Variants in LARGE2 observed in about 807,000 individuals in gnomAD.
LARGE2 encodes the protein LARGE xylosyl- and glucuronyltransferase 2.
In LARGE2, 63 loss-of-function variants were observed where a neutral mutation model predicts 75.3. The observed-to-expected ratio is 0.84, with a 90% CI of 0.68 to 1.03. The LOEUF (loss-of-function observed/expected upper bound fraction) is 1.03, where lower values mean the gene tolerates loss of function less well. LARGE2 is among the 50% of genes least tolerant of loss of function. LARGE2 has a pLI of 0.00. For missense variants in LARGE2, 925 were observed against 980.6 expected (o/e 0.94, Z 0.76); for synonymous variants, 428 against 420.1 (o/e 1.02, Z -0.23).
upstream of LARGE2, chr11:45,922,606 G>A (rs2086955826): frequency 2.2e-5 from 6 of 275,324 alleles, no homozygotes; most frequent in Non-Finnish European, 4.1e-5. Flanking sequence ...TTCGCGCTCA[G>A]CCCCGCTGAG....
chr11:45,926,319 G>T lies in LARGE2; in HGVS notation c.980G>T (p.Arg327Leu), dbSNP rs141577566. ...VQLSDHTLAE[R>L]CYSEASDLKV... is the part of the protein sequence containing the mutation. ...CTGTCAGATCACACACTGGCCGAGC[G>T]CTGCTACTCTGAGGCGTCTGACCTC... The change falls in exon 8 of 14, where the codon CGC (arginine) becomes CTC (leucine). Residue 327 changes from arginine to leucine, a missense_variant. Arg to Leu is a moderately radical substitution (Grantham distance 102, BLOSUM62 -2). Transcript: ENST00000401752. 1.2e-6 allele frequency: 2 copies of T among 1,614,174 alleles called. No homozygotes were observed. The highest frequency in any genetic ancestry group is 1.7e-6 in the Non-Finnish European group (2 of 1,180,030).
intron 3 of LARGE2, among the ~76,000 whole-genome samples, 185 bp from the exon 4 acceptor site, chr11:45,923,969 G>C (rs1355560337): frequency 4.4e-5 from 5 of 113,786 alleles, no homozygotes; most frequent in African/African-American, 1.8e-4. Flanking sequence ...CTGGGCGACA[G>C]AGCGAGACTC....
chr11:45,924,303 C>T, intron 4 of LARGE2, 26 bp downstream of exon 4: 3 of 1,610,900 alleles, frequency 1.9e-6, no homozygotes, highest in Non-Finnish European at 2.5e-6. Context: ...TTCCCCCCTC[C>T]CCTCAGCTGT....
rs746170599 is a variant in LARGE2, at chr11:45,927,516, G to T, written c.1527G>T (p.Leu509Phe). The T allele has an allele frequency of 1.3e-5, 21 of 1,614,192 alleles. No homozygotes were observed. Among genetic ancestry groups the T allele is most frequent in the Non-Finnish European group, 1.7e-5 (20 of 1,180,030 alleles). Residue 509 changes from leucine to phenylalanine, a missense_variant, in exon 11 of 14, where the codon TTG becomes TTT. By Grantham distance (22) the Leu-to-Phe change is conservative. Around this residue, in one of 3 missense-constraint regions of LARGE2, gnomAD observed 469 missense variants for 503.8 expected, o/e 0.93. Transcript: ENST00000401752. Reference protein sequence around the residue: ...YPVNQLRNVALAQALTPYVFL... With the variant: ...YPVNQLRNVAFAQALTPYVFL... ...TCAACCAGCTTCGCAACGTGGCCTTGGCCCAGGCCCTCACGCCTTACGTCT... is the reference window on the plus strand; with the variant it reads ...TCAACCAGCTTCGCAACGTGGCCTTTGCCCAGGCCCTCACGCCTTACGTCT...
At chr11:45,921,930 C>T (rs942545177), upstream of LARGE2, among the ~76,000 whole-genome samples, 1 of 151,276 alleles carries the variant, frequency 6.6e-6, no homozygotes, top group Admixed American at 6.6e-5. Context: ...GTCCAGAGCG[C>T]CCCCCACCCA....
intron 9 of LARGE2, 27 bp downstream of exon 9, chr11:45,926,624 CCT>C (rs1274219491): frequency 3.1e-6 from 5 of 1,613,734 alleles, no homozygotes; most frequent in South Asian, 2.2e-5. Context: ...TTCCCCTGCC[CCT>C]CTCTGCTTTG....
chr11:45,923,662 A>AGT, intron 3 of LARGE2, 107 bp downstream of exon 3: 1 of 998,732 alleles, frequency 1.0e-6, no homozygotes, highest in South Asian at 1.4e-5. Flanking sequence ...ACGCGGGGAC[A>AGT]GTGTCCCCTT....
chr11:45,923,331 C>T, intron 2 of LARGE2, 142 bp from the exon 3 acceptor site: 1 of 1,086,168 alleles, frequency 9.2e-7, no homozygotes, highest in Non-Finnish European at 1.3e-6. Flanking sequence ...ACCTCATTTC[C>T]CCATTTGAAA....
At position 45,926,809 on chromosome 11, in the gene LARGE2, C is replaced by T. The variant is rs1471051617; in HGVS notation, c.1263C>T (p.Pro421=). The change falls in exon 10 of 14, where the codon CCC becomes CCT. Residue 421 remains proline (P), a synonymous_variant. Transcript: ENST00000401752. The part of the protein sequence containing the change: ...TVHRVHVTFL[P]HEPPPPRPHD... ...ACCGTGTGCATGTCACTTTCCTGCC[C>T]CATGAACCGCCACCCCCCCGGCCTC... 1.2e-6 allele frequency: 2 copies of T among 1,613,492 alleles called. No homozygotes were observed. Among genetic ancestry groups the T allele is most frequent in the Non-Finnish European group, 1.7e-6 (2 of 1,180,010 alleles).
rs1031342170 is a variant in LARGE2, at chr11:45,922,873, G to A, written c.-10G>A. The A allele has an allele frequency of 7.2e-6, 9 of 1,252,780 alleles. No homozygotes were observed. Among genetic ancestry groups the A allele is most frequent in the African/African-American group, 1.6e-5 (1 of 64,210 alleles). 77.6% of individuals were successfully genotyped at this position (1,252,780 alleles called of 1,614,324 possible). ...GTCGCGTCCCTCCCTGAGCGCCCCC[G>A]TCGGCGGCCATGCTGCCCCGAGGGC... is the stretch of plus-strand genomic sequence containing the variant. On this transcript the variant is annotated 5_prime_UTR_variant, in exon 2 of 14. Transcript: ENST00000401752.
At position 45,928,347 on chromosome 11, in the gene LARGE2, C is replaced by T; in HGVS notation, c.1925C>T (p.Ala642Val). Residue 642 changes from alanine (A) to valine (V), a missense_variant, in exon 13 of 14, where the codon GCC (alanine) becomes GTC (valine). Physicochemically the swap from Ala to Val is moderately conservative, Grantham distance 64. This residue lies in a region of LARGE2 where 469 missense variants were observed against 503.8 expected (regional missense o/e 0.93). Coordinates refer to ENST00000401752, the MANE Select transcript of LARGE2 (RefSeq NM_001300721.2). ...GTGGGCTTCGGCTGGAACAAAGTGG[C>T]CCACATTGTGGAGCTGGATGCCCAG... ...RFVGFGWNKV[A>V]HIVELDAQEY... 6.2e-7 allele frequency: 1 copy of T among 1,614,014 alleles called. No homozygotes were observed. The highest frequency in any genetic ancestry group is 8.5e-7 in the Non-Finnish European group (1 of 1,179,958).
Position 45,927,573 on chromosome 11 carries a change from T to C in LARGE2, c.1584T>C (p.Tyr528=). 1 of 1,613,800 alleles carries C rather than the reference T, an allele frequency of 6.2e-7. No individual in the cohort carries two copies. Among genetic ancestry groups the C allele is most frequent in the Non-Finnish European group, 8.5e-7 (1 of 1,179,986 alleles). ...FLSDIDFLPA[Y]SLYDYLRASI... ...GTGACATTGACTTCCTGCCTGCCTA[T>C]TCTCTCTACGACTACCTCAGGTGGG... The change falls in exon 11 of 14, where the codon TAT becomes TAC. Residue 528 remains tyrosine (Y), a synonymous_variant. Transcript: ENST00000401752.
rs889785149 is a variant in LARGE2, at chr11:45,924,238, T to C, written c.453T>C (p.Pro151=). 6.2e-7 allele frequency: 1 copy of C among 1,613,650 alleles called. No homozygotes were observed. The highest frequency in any genetic ancestry group is 8.5e-7 in the Non-Finnish European group (1 of 1,180,022). Residue 151 remains proline (P), a synonymous_variant, in exon 4 of 14, where the codon CCT becomes CCC. Transcript: ENST00000401752. ...LETLFHTWMV[P]AVRVSFYHAD... ...CGCTCTTCCACACATGGATGGTGCC[T>C]GCTGTCCGTGTCAGCTTTTATCATG...
intron 6 of LARGE2, among the ~76,000 whole-genome samples, chr11:45,925,138 G>A (rs775654260): frequency 3.9e-5 from 6 of 152,178 alleles, no homozygotes; most frequent in Non-Finnish European, 7.3e-5. Flanking sequence ...ACAGCCCTGG[G>A]ATCACCAAGT....
In LARGE2 at chr11:45,928,792, GC is replaced by G. The variant is rs2087399961; in HGVS notation, c.2116del (p.Leu706SerfsTer43). The G allele has an allele frequency of 6.2e-7, 1 of 1,613,734 alleles. No individual in the cohort carries two copies. The highest frequency in any genetic ancestry group is 8.5e-7 in the Non-Finnish European group (1 of 1,180,052). On this transcript the variant is annotated frameshift_variant, in exon 14 of 14. Coordinates refer to ENST00000401752, the MANE Select transcript of LARGE2 (RefSeq NM_001300721.2). LOFTEE classifies it high-confidence loss of function. ...QDLSRHHGAAALKYLPALQQP... is the reference protein window; with the variant it reads ...QDLSRHHGAAXLKYLPALQQP... ...CTTGTCCCGCCACCATGGGGCTGCTGCCCTCAAATACCTCCCAGCCCTGCAG... is the reference window on the plus strand; with the variant it reads ...CTTGTCCCGCCACCATGGGGCTGCTGCCTCAAATACCTCCCAGCCCTGCAG...
chr11:45,928,094 A>C (rs1243477490), intron 12 of LARGE2, 25 bp downstream of exon 12: 1 of 1,612,338 alleles, frequency 6.2e-7, no homozygotes, highest in Non-Finnish European at 8.5e-7. Flanking sequence ...TTCTCTGCCC[A>C]CTCCACTCAC....
At chr11:45,926,938 T>G in intron 10 of LARGE2, 67 bp downstream of exon 10, 1 of 1,476,638 alleles carries the variant, frequency 6.8e-7, no homozygotes, top group South Asian at 1.3e-5. Context: ...TGAGAGGAGG[T>G]TCCATCTGGC....
chr11:45,926,896 G>T, intron 10 of LARGE2, 25 bp downstream of exon 10: 1 of 1,590,900 alleles, frequency 6.3e-7, no homozygotes, highest in South Asian at 1.1e-5. Context: ...GGCAGCCCAG[G>T]GGGTATGGCA....
Position 45,923,500 on chromosome 11 carries a change from G to A in LARGE2, c.313G>A (p.Gly105Arg). Residue 105 changes from glycine (G) to arginine (R), a missense_variant, in exon 3 of 14, where the codon GGG becomes AGG. Physicochemically the swap from Gly to Arg is moderately radical, Grantham distance 125. Coordinates refer to ENST00000401752, the MANE Select transcript of LARGE2 (RefSeq NM_001300721.2). ...CTTGCATGTGGCCATCGTGTGTGCG[G>A]GGCATAACTCCAGCCGAGACGTCAT... ...ELLHVAIVCA[G>R]HNSSRDVITL... The A allele has an allele frequency of 6.2e-7, 1 of 1,613,916 alleles. No homozygotes were observed. The highest frequency in any genetic ancestry group is 1.1e-5 in the South Asian group (1 of 91,074).
Sources: allele counts gnomAD v4.1 joint callset (sites outside exome capture counted in the v4.1 genomes callset), GRCh38; gene constraint gnomAD v4.1.1; regional missense constraint gnomAD v4.1.1; transcripts MANE v1.5; gene names NCBI Gene and HGNC (gene_info 2026-07-23, HGNC 2026-07-21).